Variants in DIS3L observed in about 807,000 individuals in gnomAD.
DIS3L encodes the protein DIS3 like exosome 3'-5' exoribonuclease.
In DIS3L, 100 loss-of-function variants were observed where a neutral mutation model predicts 120.3. The observed-to-expected ratio is 0.83, with a 90% CI of 0.71 to 0.98. DIS3L has a LOEUF of 0.98. Among genes scored for constraint, DIS3L ranks in the 50% least tolerant of loss-of-function variants. The pLI, the probability that DIS3L is intolerant of heterozygous loss-of-function variation, is 0.00. For synonymous variants in DIS3L, 426 were observed against 470.6 expected (o/e 0.91, Z 1.23); for missense variants, 1,196 against 1,314.2 (o/e 0.91, Z 1.39).
At chr15:66,317,384 T>C (rs373922227) in intron 7 of DIS3L, among the ~76,000 whole-genome samples, 7 of 151,538 alleles carry the variant, frequency 4.6e-5, no homozygotes, top group Admixed American at 2.0e-4. Context: ...ACATTTTTAA[T>C]TATTAAAGTT....
At chr15:66,326,472 A>G (rs940458854) in intron 12 of DIS3L, 108 bp downstream of exon 12, 6 of 1,248,442 alleles carry the variant, frequency 4.8e-6, no homozygotes, top group Middle Eastern at 5.4e-4. Flanking sequence ...AAAAAGAGAA[A>G]ACAGATTCTT....
At chr15:66,331,787 G>T in intron 14 of DIS3L, 88 bp from the exon 15 acceptor site, 2 of 1,354,056 alleles carry the variant, frequency 1.5e-6, no homozygotes, top group South Asian at 2.1e-5. Flanking sequence ...TAGTTTTACA[G>T]AATCTCACAT....
chr15:66,304,809 G>A (rs34532404), intron 2 of DIS3L, among the ~76,000 whole-genome samples: 20,046 of 149,000 alleles, frequency 0.13, 1,467 homozygotes, highest in Non-Finnish European at 0.16. Flanking sequence ...GCTGGGGCAG[G>A]AGAATCACTT....
intron 2 of DIS3L, among the ~76,000 whole-genome samples, chr15:66,301,781 C>T (rs749225922): frequency 6.6e-6 from 1 of 151,228 alleles, no homozygotes; most frequent in Non-Finnish European, 1.5e-5. Context: ...CACATGTCTA[C>T]AAGCAAACCT....
At chr15:66,324,726 G>A (rs192806334) in intron 11 of DIS3L, among the ~76,000 whole-genome samples, 7 of 152,096 alleles carry the variant, frequency 4.6e-5, no homozygotes, top group Admixed American at 2.0e-4. Context: ...TCTTAGATTG[G>A]TTTTAATTTG....
At position 66,323,518 on chromosome 15, in the gene DIS3L, C is replaced by T. The variant is rs866943819; in HGVS notation, c.1600C>T (p.Arg534Cys). ...TRATTYYLADRRYDMLPSVLS... is the reference protein window; with the variant it reads ...TRATTYYLADCRYDMLPSVLS... ...GGCCACCACTTATTATCTAGCAGAT[C>T]GTCGCTATGACATGCTGCCTTCCGT... The change falls in exon 11 of 17, where the codon CGT becomes TGT. Residue 534 changes from arginine (R) to cysteine (C), a missense_variant. Coordinates refer to ENST00000319212, the MANE Select transcript of DIS3L (RefSeq NM_001143688.3). 45 of 1,614,144 alleles carry T rather than the reference C, an allele frequency of 2.8e-5. No homozygotes were observed. The highest frequency in any genetic ancestry group is 2.7e-4 in the Admixed American group (16 of 60,008).
Position 66,326,348 on chromosome 15 carries a change from T to G in DIS3L, c.2185T>G (p.Phe729Val). The G allele has an allele frequency of 6.2e-7, 1 of 1,614,066 alleles. No homozygotes were observed. The highest frequency in any genetic ancestry group is 1.1e-5 in the South Asian group (1 of 91,066). ...CCGGGAATGTGCTAAAGCCAAAGGC[T>G]TCTTCATAGATACACGGTATTCCTC... is the stretch of plus-strand genomic sequence containing the variant. Reference protein sequence around the residue: ...ELRECAKAKGFFIDTRSNKTL... With the variant: ...ELRECAKAKGVFIDTRSNKTL... The change falls in exon 12 of 17, where the codon TTC becomes GTC. Residue 729 changes from phenylalanine (F) to valine (V), a missense_variant. By Grantham distance (50) the Phe-to-Val change is conservative. Transcript: ENST00000319212.
At position 66,295,062 on chromosome 15, in the gene DIS3L, A is replaced by G. The variant is rs1197044295; in HGVS notation, c.214A>G (p.Ile72Val). ...GAAAGTTGTTCAAGATTATCTTGAG[A>G]TCCTTGAGTTTCCTGAGTTGAAGGG... ...DWKVVQDYLEILEFPELKGII... is the reference protein window; with the variant it reads ...DWKVVQDYLEVLEFPELKGII... Residue 72 changes from isoleucine (I) to valine (V), a missense_variant, in exon 2 of 17, where the codon ATC (isoleucine) becomes GTC (valine). By Grantham distance (29) the Ile-to-Val change is conservative. Transcript: ENST00000319212. 2 of 1,613,986 alleles carry G rather than the reference A, an allele frequency of 1.2e-6. No homozygotes were observed. The highest frequency in any genetic ancestry group is 1.7e-5 in the Admixed American group (1 of 60,004).
intron 8 of DIS3L, 97 bp from the exon 9 acceptor site, chr15:66,320,474 G>A: frequency 3.6e-6 from 5 of 1,377,044 alleles, no homozygotes; most frequent in Non-Finnish European, 4.8e-6. Context: ...ACTCTCCTTG[G>A]AACCCAGTAT....
At chr15:66,323,050 C>A in intron 10 of DIS3L, 116 bp downstream of exon 10, 1 of 1,347,678 alleles carries the variant, frequency 7.4e-7, no homozygotes, top group Non-Finnish European at 1.0e-6. Flanking sequence ...AGGTCCCTTC[C>A]AGAAAAAAAA....
intron 7 of DIS3L, among the ~76,000 whole-genome samples, chr15:66,317,285 A>G (rs1051485049): frequency 6.7e-6 from 1 of 149,090 alleles, no homozygotes; most frequent in African/African-American, 2.5e-5. Flanking sequence ...TGGTGCTGCT[A>G]TATTCCCTGT....
At chr15:66,317,142 C>T (rs2092825565) in intron 7 of DIS3L, among the ~76,000 whole-genome samples, 1 of 152,096 alleles carries the variant, frequency 6.6e-6, no homozygotes, top group Admixed American at 6.6e-5. Context: ...CTCTTGATCA[C>T]CTTACCCTAC....
At chr15:66,311,648 G>T in intron 4 of DIS3L, 76 bp from the exon 5 acceptor site, 1 of 1,558,276 alleles carries the variant, frequency 6.4e-7, no homozygotes, top group South Asian at 1.1e-5. Flanking sequence ...TTCCTAGTCA[G>T]GAGTTTCTGT....
In DIS3L at chr15:66,318,598, C is replaced by T; in HGVS notation, c.1144C>T (p.Gln382Ter). ...AATTCCCAAAATTCGAATTAGCACT[C>T]AGCAAGCAGAAACCCTCCAGGTAGT... ...YRIPKIRIST[Q>*]QAETLQDFRV... The change falls in exon 8 of 17, where the codon CAG becomes TAG. Residue 382 changes from glutamine (Q) to a stop codon, truncating the protein, a stop_gained. Transcript: ENST00000319212. LOFTEE classifies it high-confidence loss of function. 6.2e-7 allele frequency: 1 copy of T among 1,614,002 alleles called. No homozygotes were observed. The highest frequency in any genetic ancestry group is 2.2e-5 in the East Asian group (1 of 44,848).
intron 2 of DIS3L, among the ~76,000 whole-genome samples, chr15:66,305,110 C>G (rs2140337383): frequency 6.7e-6 from 1 of 149,068 alleles, no homozygotes; most frequent in African/African-American, 2.5e-5. Flanking sequence ...ACGCCCATCT[C>G]CTGCCTCAAC....
At chr15:66,323,221 C>T (rs1271106147) in intron 10 of DIS3L, among the ~76,000 whole-genome samples, 2 of 152,172 alleles carry the variant, frequency 1.3e-5, no homozygotes, top group Non-Finnish European at 2.9e-5. Context: ...TGGATCATTA[C>T]ACTCCAGTTT....
Position 66,322,900 on chromosome 15 carries a change from C to G in DIS3L, c.1540C>G (p.Pro514Ala). 1 of 1,614,124 alleles carries G rather than the reference C, an allele frequency of 6.2e-7. No homozygotes were observed. Among genetic ancestry groups the G allele is most frequent in the Non-Finnish European group, 8.5e-7 (1 of 1,180,016 alleles). ...HIADVTHFVA[P>A]NSYIDIEART... ...CGCAGATGTAACACACTTTGTGGCACCAAATTCTTACATTGATATTGAAGC... is the reference window on the plus strand; with the variant it reads ...CGCAGATGTAACACACTTTGTGGCAGCAAATTCTTACATTGATATTGAAGC... The change falls in exon 10 of 17, where the codon CCA becomes GCA. Residue 514 changes from proline (P) to alanine (A), a missense_variant. By Grantham distance (27) the Pro-to-Ala change is conservative (BLOSUM62 -1). Transcript: ENST00000319212.
At chr15:66,298,259 T>A (rs998779147) in intron 2 of DIS3L, among the ~76,000 whole-genome samples, 10 of 148,872 alleles carry the variant, frequency 6.7e-5, no homozygotes, top group African/African-American at 2.5e-4. Context: ...TCACATGATC[T>A]AACTCCCCAT....
At chr15:66,315,913 C>T (rs542923483) in intron 7 of DIS3L, among the ~76,000 whole-genome samples, 33 of 152,232 alleles carry the variant, frequency 2.2e-4, no homozygotes, top group African/African-American at 7.5e-4. Context: ...GGCAGGGGCC[C>T]TCTGCCTTCC....
Sources: gnomAD v4.1 joint callset for allele counts (sites outside exome capture counted in the v4.1 genomes callset) on GRCh38, gnomAD v4.1.1 for gene constraint, MANE v1.5 for transcripts, NCBI Gene and HGNC (gene_info 2026-07-23, HGNC 2026-07-21) for gene names.